Variants in SSBP2 observed in about 807,000 individuals in gnomAD.
SSBP2 encodes single-stranded DNA-binding protein 2.
In SSBP2, 17 loss-of-function variants were observed where a neutral mutation model predicts 61.8. The ratio of observed to expected loss-of-function variants is 0.28; its 90% confidence interval spans 0.19 to 0.41. The LOEUF (loss-of-function observed/expected upper bound fraction) is 0.41. SSBP2 is among the 10% of genes least tolerant of loss of function. The pLI, the probability that SSBP2 is intolerant of heterozygous loss-of-function variation, is 1.00. For missense variants in SSBP2, 310 were observed against 458.7 expected, an observed-to-expected ratio of 0.68 and a Z score of 2.96; for synonymous variants, 139 against 141.3, an observed-to-expected ratio of 0.98 and a Z score of 0.12.
chr5:81,535,853 C>T (rs1013524724), intron 4 of SSBP2, among the ~76,000 whole-genome samples: 3 of 151,640 alleles, frequency 2.0e-5, no homozygotes, highest in Non-Finnish European at 4.4e-5. Context: ...CTTTAAGATA[C>T]AATACCAAAG....
intron 13 of SSBP2, among the ~76,000 whole-genome samples, chr5:81,442,188 T>C (rs979099915): frequency 2.0e-5 from 3 of 152,112 alleles, no homozygotes; most frequent in Non-Finnish European, 2.9e-5. Flanking sequence ...ACCCAAGTTC[T>C]TCCTGTAGTA....
At chr5:81,499,714 A>G (rs980766900) in intron 5 of SSBP2, among the ~76,000 whole-genome samples, 2 of 152,220 alleles carry the variant, frequency 1.3e-5, no homozygotes, top group African/African-American at 4.8e-5. Context: ...AATTTAGGAT[A>G]AAATATTAGG....
chr5:81,428,408 GAA>G (rs1454648008), intron 16 of SSBP2, among the ~76,000 whole-genome samples, 175 bp downstream of exon 16: 1 of 152,078 alleles, frequency 6.6e-6, no homozygotes, highest in Non-Finnish European at 1.5e-5. Flanking sequence ...GAATAAAAAA[GAA>G]AAAGTTTGTT....
intron 9 of SSBP2, among the ~76,000 whole-genome samples, chr5:81,461,969 T>C (rs1442959291): frequency 1.3e-5 from 2 of 152,168 alleles, no homozygotes; most frequent in African/African-American, 4.8e-5. Context: ...CTAATTAGGG[T>C]CATTTAAAAT....
intron 4 of SSBP2, among the ~76,000 whole-genome samples, chr5:81,518,952 T>C (rs1327033457): frequency 1.3e-5 from 2 of 152,158 alleles, no homozygotes; most frequent in African/African-American, 4.8e-5. Context: ...AGATAAGTCA[T>C]GCTTGATCAT....
At chr5:81,658,500 TTACTC>T (rs1441446255) in intron 1 of SSBP2, among the ~76,000 whole-genome samples, 4 of 152,210 alleles carry the variant, frequency 2.6e-5, no homozygotes, top group Admixed American at 1.3e-4. Context: ...CATCTCTAGA[TTACTC>T]TACTACCCAG....
intron 4 of SSBP2, among the ~76,000 whole-genome samples, chr5:81,553,258 C>CT (rs2153378783): frequency 6.6e-6 from 1 of 152,270 alleles, no homozygotes; most frequent in African/African-American, 2.4e-5. Context: ...CTGTAACTAC[C>CT]TTTTATGTTT....
rs1761394720 is a variant in SSBP2 at position 81,418,124 on chromosome 5, C to CAAAG, written c.*2376_*2379dup. 1 of 152,148 alleles carries CAAAG rather than the reference C, an allele frequency of 6.6e-6. No individual in the cohort carries two copies. The highest frequency in any genetic ancestry group is 1.9e-4 in the East Asian group (1 of 5,200). 9.4% of individuals were successfully genotyped at this position (152,148 alleles called of 1,614,324 possible). On this transcript the variant is annotated 3_prime_UTR_variant, in exon 17 of 17. Transcript: ENST00000320672. ...GCATTATAAGATTAAGCTTAATAAT[C>CAAAG]AAAGGACTGTCAATTTTTATATGAT...
rs187016310 is a variant in SSBP2 at position 81,429,662 on chromosome 5, C to T, written c.958-979G>A. Among the ~76,000 whole-genome samples the T allele has an allele frequency of 3.0e-3, 453 of 152,142 alleles. 2 individuals carry two copies. Among genetic ancestry groups the T allele is most frequent in the African/African-American group, 0.011 (444 of 41,500 alleles). On this transcript the variant is annotated intron_variant, in intron 15 of 16. Transcript: ENST00000320672. ...CTTACTGGCTTACTTTTTCCTAAGCCATTCCTATTTACATTGTTTTGGAAT... is the reference window on the plus strand; with the variant it reads ...CTTACTGGCTTACTTTTTCCTAAGCTATTCCTATTTACATTGTTTTGGAAT...
intron 4 of SSBP2, among the ~76,000 whole-genome samples, chr5:81,548,554 T>TAC (rs1771928734): frequency 6.6e-6 from 1 of 152,188 alleles, no homozygotes; most frequent in Admixed American, 6.5e-5. Flanking sequence ...TTGTATGTAT[T>TAC]AAAGTGAAAT....
At position 81,499,697 on chromosome 5, in the gene SSBP2, G is replaced by T. The variant is rs1767554320; in HGVS notation, c.373-10388C>A. Among the ~76,000 whole-genome samples, 6 of 152,174 alleles carry T rather than the reference G, an allele frequency of 3.9e-5. No individual in the cohort carries two copies. The South Asian group carries it at 1.2e-3, about 32-fold the overall frequency. ...TTTGGGTAAGACAATAAAGATTTGA[G>T]ATTTATAATTTAGGATAAAATATTA... On this transcript the variant is annotated intron_variant, in intron 5 of 16. Coordinates refer to ENST00000320672, the MANE Select transcript of SSBP2 (RefSeq NM_012446.5).
At chr5:81,487,399 T>C (rs1221743576) in intron 6 of SSBP2, among the ~76,000 whole-genome samples, 1 of 152,150 alleles carries the variant, frequency 6.6e-6, no homozygotes, top group Admixed American at 6.5e-5. Context: ...AGAGCTCTTG[T>C]AGATTAAAAT....
At chr5:81,628,671 G>A (rs1225436501) in intron 3 of SSBP2, among the ~76,000 whole-genome samples, 1 of 152,116 alleles carries the variant, frequency 6.6e-6, no homozygotes, top group Non-Finnish European at 1.5e-5. Context: ...TCAGGTAAAT[G>A]TATTATAAAC....
At chr5:81,686,684 G>A (rs866163621) in intron 1 of SSBP2, among the ~76,000 whole-genome samples, 3 of 151,528 alleles carry the variant, frequency 2.0e-5, no homozygotes, top group East Asian at 1.9e-4. Flanking sequence ...GTGAAACCCC[G>A]TCTCTACTAA....
chr5:81,583,629 C>CAA (rs56294944), intron 4 of SSBP2, among the ~76,000 whole-genome samples: 20,595 of 77,022 alleles, frequency 0.27, 1,935 homozygotes, highest in Non-Finnish European at 0.3. Flanking sequence ...GACACCGTCT[C>CAA]AAAAAAAAAA....
intron 1 of SSBP2, among the ~76,000 whole-genome samples, chr5:81,651,403 C>T (rs1483705654): frequency 1.3e-5 from 2 of 152,116 alleles, no homozygotes; most frequent in African/African-American, 4.8e-5. Context: ...AAAGAGAAAG[C>T]TTGTACAAAT....
chr5:81,565,468 T>C (rs759356913), intron 4 of SSBP2, among the ~76,000 whole-genome samples: 28 of 152,200 alleles, frequency 1.8e-4, no homozygotes, highest in Admixed American at 2.0e-4. Context: ...ACAAAGATTT[T>C]ATGACGTGCC....
intron 4 of SSBP2, among the ~76,000 whole-genome samples, chr5:81,553,334 A>T (rs183820203): frequency 6.6e-6 from 1 of 152,322 alleles, no homozygotes; most frequent in Non-Finnish European, 1.5e-5. Context: ...TTCTAAAAAT[A>T]TAAGAATCTT....
chr5:81,742,726 A>T (rs1392773642), intron 1 of SSBP2, among the ~76,000 whole-genome samples: 1 of 152,110 alleles, frequency 6.6e-6, no homozygotes. Context: ...AAATACAAAA[A>T]TTAGCCAAGT....
Sources: allele counts gnomAD v4.1 joint callset (sites outside exome capture counted in the v4.1 genomes callset), GRCh38; gene constraint gnomAD v4.1.1; transcripts MANE v1.5; gene names NCBI Gene and HGNC (gene_info 2026-07-23, HGNC 2026-07-21).